PCDHA13: variants seen among roughly 807,000 people sequenced by gnomAD.
The protein encoded by PCDHA13 is protocadherin alpha 13.
A neutral mutation model predicts 64.8 loss-of-function variants in PCDHA13; 54 were observed. The ratio of observed to expected loss-of-function variants is 0.83; its 90% CI spans 0.67 to 1.04. The LOEUF is 1.04. Ranked by LOEUF, PCDHA13 falls within the 50% of genes least tolerant of loss-of-function variation. The pLI is 0.00. For missense variants in PCDHA13, 1,248 were observed against 1,254.3 expected (o/e 0.99, Z 0.08); for synonymous variants, 587 against 564.4 (o/e 1.04, Z -0.57).
intron 1 of PCDHA13, chr5:140,929,402 A>G: frequency 7.3e-6 from 11 of 1,507,926 alleles, no homozygotes; most frequent in Non-Finnish European, 9.7e-6. Context: ...TTTCTTAGAC[A>G]AGCCTTTCAC....
In PCDHA13 at chr5:140,929,760, G is replaced by A. The variant is rs139688975; in HGVS notation, c.2394+45098G>A. 1,459 of 180,340 alleles carry A rather than the reference G, an allele frequency of 8.1e-3. 10 individuals carry two copies. Among genetic ancestry groups the A allele is most frequent in the African/African-American group, 0.019 (807 of 42,220 alleles). The allele number at this position is 180,340 out of a possible 1,614,324, so 11.2% of individuals were successfully genotyped here. A position where few individuals can be genotyped will look rare whatever the true frequency, so the allele number is the denominator to read the frequency against. Reference sequence around the variant, plus strand: ...TTGCAATGCATTATTAAAAGATGACGATAACCACAAAAGATGTAAAAATAA... The same window carrying A: ...TTGCAATGCATTATTAAAAGATGACAATAACCACAAAAGATGTAAAAATAA... On this transcript the variant is annotated intron_variant, in intron 1 of 3. Transcript: ENST00000289272.
intron 1 of PCDHA13, among the ~76,000 whole-genome samples, chr5:140,944,956 A>T (rs2093715486): frequency 6.6e-6 from 1 of 152,140 alleles, no homozygotes; most frequent in Non-Finnish European, 1.5e-5. Context: ...GAATAAGAGT[A>T]TTATCTTAAC....
At chr5:140,942,876 T>C (rs2093384814) in intron 1 of PCDHA13, among the ~76,000 whole-genome samples, 1 of 152,052 alleles carries the variant, frequency 6.6e-6, no homozygotes, top group Non-Finnish European at 1.5e-5. Context: ...GCATGACAAC[T>C]TTTTTCCTAA....
At chr5:140,919,510 T>G (rs750733245) in intron 1 of PCDHA13, among the ~76,000 whole-genome samples, 2 of 152,208 alleles carry the variant, frequency 1.3e-5, no homozygotes, top group Non-Finnish European at 2.9e-5. Context: ...TTTTTCTATA[T>G]GTTTTAATTC....
intron 1 of PCDHA13, among the ~76,000 whole-genome samples, chr5:140,975,268 G>C (rs1054634006): frequency 6.6e-6 from 1 of 152,102 alleles, no homozygotes; most frequent in African/African-American, 2.4e-5. Flanking sequence ...TCTGATTTCT[G>C]TCTCTGACCT....
chr5:141,009,601 A>T (rs1223112014), intron 3 of PCDHA13, 26 bp from the exon 4 acceptor site: 6 of 1,607,482 alleles, frequency 3.7e-6, no homozygotes, highest in Non-Finnish European at 5.1e-6. Flanking sequence ...GACCCTGTTA[A>T]TGATTTGTAA....
Position 140,994,911 on chromosome 5 carries a change from A to G in PCDHA13, c.2542+12348A>G, listed in dbSNP as rs527704488. Among the ~76,000 whole-genome samples, 14 of 152,340 alleles carry G rather than the reference A, an allele frequency of 9.2e-5. No homozygotes were observed. The East Asian group carries it at 1.7e-3, about 19-fold the overall frequency. On this transcript the variant is annotated intron_variant, in intron 3 of 3. Transcript: ENST00000289272. ...AAATGAGATCAGAAATGTAGACTGGAATCAGATTTTGTAGGACCTTAAACA... is the reference window on the plus strand; with the variant it reads ...AAATGAGATCAGAAATGTAGACTGGGATCAGATTTTGTAGGACCTTAAACA...
intron 1 of PCDHA13, chr5:140,929,026 G>A: frequency 1.2e-6 from 2 of 1,614,176 alleles, no homozygotes; most frequent in Non-Finnish European, 1.7e-6. Context: ...CCAGAGCCCA[G>A]GCTGTTGCGC....
chr5:140,989,235 T>G (rs1408596966), intron 3 of PCDHA13, among the ~76,000 whole-genome samples: 1 of 152,204 alleles, frequency 6.6e-6, no homozygotes, highest in Non-Finnish European at 1.5e-5. Context: ...AGCTGAAGTT[T>G]TAAGCCCCTT....
intron 1 of PCDHA13, chr5:140,968,997 G>A (rs1459602291): frequency 6.2e-7 from 1 of 1,614,092 alleles, no homozygotes; most frequent in African/African-American, 1.3e-5. Flanking sequence ...TGCTGTGGAG[G>A]CTTCTGTGGA....
intron 1 of PCDHA13, among the ~76,000 whole-genome samples, chr5:140,933,958 G>A (rs2089541288): frequency 1.3e-5 from 2 of 151,998 alleles, no homozygotes; most frequent in South Asian, 4.1e-4. Context: ...AGGATCTGTA[G>A]TGATGTTTCC....
intron 1 of PCDHA13, among the ~76,000 whole-genome samples, chr5:140,894,820 C>A (rs149254580): frequency 3.2e-4 from 49 of 152,072 alleles, no homozygotes; most frequent in African/African-American, 1.2e-3. Flanking sequence ...ATCAGATTTG[C>A]CCATAATCCT....
At chr5:140,913,243 G>T (rs1386908951) in intron 1 of PCDHA13, among the ~76,000 whole-genome samples, 1 of 152,112 alleles carries the variant, frequency 6.6e-6, no homozygotes, top group Non-Finnish European at 1.5e-5. Flanking sequence ...GAGACTTTTT[G>T]TTACAACTTT....
chr5:140,950,087 T>G (rs1433717313), intron 1 of PCDHA13, among the ~76,000 whole-genome samples: 3 of 151,938 alleles, frequency 2.0e-5, no homozygotes, highest in Admixed American at 6.6e-5. Flanking sequence ...ATGCTATAGT[T>G]TTCATTTGTA....
At chr5:140,929,316 C>A in intron 1 of PCDHA13, 1 of 1,556,954 alleles carries the variant, frequency 6.4e-7, no homozygotes, top group South Asian at 1.2e-5. Flanking sequence ...ACGCTAATGT[C>A]AATGCCATGG....
At chr5:140,925,138 CA>C (rs2153576707) in intron 1 of PCDHA13, among the ~76,000 whole-genome samples, 1 of 151,676 alleles carries the variant, frequency 6.6e-6, no homozygotes, top group South Asian at 2.1e-4. Flanking sequence ...AAATTTCAAA[CA>C]TACACAAAAG....
chr5:140,983,022 A>G (rs2097023004), intron 3 of PCDHA13, among the ~76,000 whole-genome samples: 1 of 152,114 alleles, frequency 6.6e-6, no homozygotes, highest in Non-Finnish European at 1.5e-5. Flanking sequence ...GGAAGGAAGG[A>G]AGATGGTTTC....
chr5:140,970,894 C>T (rs1302694264), intron 1 of PCDHA13, among the ~76,000 whole-genome samples: 1 of 152,090 alleles, frequency 6.6e-6, no homozygotes, highest in Non-Finnish European at 1.5e-5. Context: ...ATGGACATTT[C>T]AGATAGATTT....
chr5:140,970,210 C>G (rs184537292), intron 1 of PCDHA13, among the ~76,000 whole-genome samples: 1 of 152,190 alleles, frequency 6.6e-6, no homozygotes, highest in Non-Finnish European at 1.5e-5. Context: ...CTGAATTTAG[C>G]TTAAATGCAG....
Sources: gnomAD v4.1 joint callset for allele counts (sites outside exome capture counted in the v4.1 genomes callset) on GRCh38, gnomAD v4.1.1 for gene constraint, MANE v1.5 for transcripts, NCBI Gene and HGNC (gene_info 2026-07-23, HGNC 2026-07-21) for gene names.